ZSWIM4: variants seen among roughly 807,000 people sequenced by gnomAD.
ZSWIM4 encodes zinc finger SWIM-type containing 4, also known as zinc finger SWIM domain-containing protein 4.
A neutral mutation model predicts 102.5 loss-of-function variants in ZSWIM4; 62 were observed. The observed-to-expected ratio is 0.60, with a 90% confidence interval of 0.49 to 0.75. The LOEUF is 0.75. Ranked by LOEUF, ZSWIM4 falls within the 30% of genes least tolerant of loss-of-function variation. The pLI, the probability that ZSWIM4 is intolerant of heterozygous loss-of-function variation, is 0.00. For synonymous variants in ZSWIM4, 652 were observed against 674.5 expected (o/e 0.97, Z 0.52); for missense variants, 1,280 against 1,529.6 (o/e 0.84, Z 2.72).
chr19:13,796,410 C>T (rs1333405563), intron 1 of ZSWIM4, among the ~76,000 whole-genome samples: 1 of 152,138 alleles, frequency 6.6e-6, no homozygotes, highest in Non-Finnish European at 1.5e-5. Flanking sequence ...TCCCCCATCT[C>T]TCCAGATTCC....
At chr19:13,819,551 G>T in intron 10 of ZSWIM4, 59 bp downstream of exon 10, 2 of 1,530,126 alleles carry the variant, frequency 1.3e-6, no homozygotes, top group Non-Finnish European at 1.8e-6. Context: ...GGGCGGGCAT[G>T]GGGGGTAGCT....
intron 9 of ZSWIM4, 74 bp downstream of exon 9, chr19:13,818,050 G>C: frequency 7.0e-7 from 1 of 1,423,432 alleles, no homozygotes; most frequent in Non-Finnish European, 9.2e-7. Flanking sequence ...CGGCCCGGTT[G>C]CTGCCAGATG....
Position 13,804,862 on chromosome 19 carries a change from C to G in ZSWIM4, c.426C>G (p.Ser142=). ...AGCCCGAGCGCCTCTACCATGTCTC[C>G]ATCAGCTTTGATCGCTGCAAGATCA... ...PGEPERLYHV[S]ISFDRCKITS... is the part of the protein sequence containing the mutation. The change falls in exon 3 of 14, where the codon TCC becomes TCG. Residue 142 remains serine, a synonymous_variant. Coordinates refer to ENST00000590508, the MANE Select transcript of ZSWIM4 (RefSeq NM_001367834.3). The G allele has an allele frequency of 1.2e-6, 2 of 1,613,482 alleles. No individual in the cohort carries two copies. Among genetic ancestry groups the G allele is most frequent in the Non-Finnish European group, 1.7e-6 (2 of 1,179,914 alleles).
intron 1 of ZSWIM4, among the ~76,000 whole-genome samples, chr19:13,797,997 G>A (rs1974656873): frequency 6.6e-6 from 1 of 152,208 alleles, no homozygotes; most frequent in Admixed American, 6.5e-5. Flanking sequence ...AATTTGTGTT[G>A]GCCTGCATTC....
At chr19:13,815,193 T>A (rs1381260207) in intron 7 of ZSWIM4, 1 of 154,132 alleles carries the variant, frequency 6.5e-6, no homozygotes, top group Non-Finnish European at 1.4e-5. Flanking sequence ...TTCGCTCTTG[T>A]TGCCCAGGTT....
chr19:13,828,206 C>T (rs374114128), intron 12 of ZSWIM4, among the ~76,000 whole-genome samples: 4 of 151,970 alleles, frequency 2.6e-5, no homozygotes, highest in East Asian at 1.9e-4. Flanking sequence ...GTCAGGAGTT[C>T]GAGACCAGCC....
intron 12 of ZSWIM4, among the ~76,000 whole-genome samples, chr19:13,827,167 G>A (rs2145377277): frequency 6.6e-6 from 1 of 152,046 alleles, no homozygotes. Flanking sequence ...CACCCCTGTA[G>A]TCCCAGCTCC....
At chr19:13,816,128 G>A (rs1599602910) in intron 7 of ZSWIM4, among the ~76,000 whole-genome samples, 1 of 152,054 alleles carries the variant, frequency 6.6e-6, no homozygotes, top group East Asian at 1.9e-4. Flanking sequence ...GGGGGTGGGG[G>A]ACAGGAGGGA....
chr19:13,832,182 T>C lies in ZSWIM4; in HGVS notation c.*1132T>C, dbSNP rs1975786470. ...TTTCTTTTTAATTTTATTTTGAGAC[T>C]GGGGTGCATCTCCAGAGCCACTCAC... On this transcript the variant is annotated 3_prime_UTR_variant, in exon 14 of 14. Coordinates refer to ENST00000590508, the MANE Select transcript of ZSWIM4 (RefSeq NM_001367834.3). The C allele has an allele frequency of 8.0e-6, 1 of 125,288 alleles. No homozygotes were observed. The allele number at this position is 125,288 out of a possible 1,614,324, so 7.8% of individuals were successfully genotyped here. A position where few individuals can be genotyped will look rare whatever the true frequency, so the allele number is the denominator to read the frequency against.
chr19:13,819,391 C>T lies in ZSWIM4; in HGVS notation c.1959C>T (p.Phe653=). ...TCAGTGGCTTTGGGGAGGTGCTGTT[C>T]CGGGAGAGCGTGCCCATGCACACCT... ...GPFSGFGEVL[F]RESVPMHTCA... is the part of the protein sequence containing the mutation. The change falls in exon 10 of 14, where the codon TTC becomes TTT. Residue 653 remains phenylalanine, a synonymous_variant. Coordinates refer to ENST00000590508, the MANE Select transcript of ZSWIM4 (RefSeq NM_001367834.3). 1 of 1,613,592 alleles carries T rather than the reference C, an allele frequency of 6.2e-7. No homozygotes were observed. Among genetic ancestry groups the T allele is most frequent in the African/African-American group, 1.3e-5 (1 of 75,066 alleles).
At chr19:13,823,561 C>A in intron 11 of ZSWIM4, 61 bp downstream of exon 11, 1 of 1,523,608 alleles carries the variant, frequency 6.6e-7, no homozygotes, top group Non-Finnish European at 8.9e-7. Flanking sequence ...CTTCTTCCTT[C>A]CCTCTTAACT....
intron 3 of ZSWIM4, among the ~76,000 whole-genome samples, chr19:13,805,669 G>A (rs935902035): frequency 1.3e-5 from 2 of 151,730 alleles, no homozygotes; most frequent in African/African-American, 4.8e-5. Context: ...TGCTGGGTGG[G>A]TACAGAAAGT....
chr19:13,799,583 T>C, intron 1 of ZSWIM4, 137 bp from the exon 2 acceptor site: 2 of 851,762 alleles, frequency 2.3e-6, no homozygotes, highest in Non-Finnish European at 3.8e-6. Context: ...GCCAGTTTTT[T>C]TGTAAAGATG....
chr19:13,801,973 ATTTT>A (rs543183681), intron 2 of ZSWIM4, among the ~76,000 whole-genome samples: 2,679 of 94,156 alleles, frequency 0.028, 112 homozygotes, highest in African/African-American at 0.11. Context: ...CCAGCTTAGA[ATTTT>A]TTTTTTTTTT....
At chr19:13,801,824 A>C (rs777211324) in intron 2 of ZSWIM4, among the ~76,000 whole-genome samples, 1 of 151,528 alleles carries the variant, frequency 6.6e-6, no homozygotes, top group Admixed American at 6.6e-5. Flanking sequence ...GGCACCCGCT[A>C]TCATGCCTGG....
intron 10 of ZSWIM4, among the ~76,000 whole-genome samples, chr19:13,822,245 C>T (rs1050490036): frequency 2.4e-4 from 36 of 151,628 alleles, no homozygotes; most frequent in African/African-American, 8.5e-4. Context: ...AAAGAACAGC[C>T]TGTAAGAGCC....
intron 1 of ZSWIM4, among the ~76,000 whole-genome samples, 165 bp from the exon 2 acceptor site, chr19:13,799,555 C>T (rs537883436): frequency 2.6e-5 from 4 of 152,120 alleles, no homozygotes; most frequent in African/African-American, 4.8e-5. Flanking sequence ...GGATTACAGG[C>T]GTGAGCCATC....
rs759542427 is a variant in ZSWIM4 at position 13,799,779 on chromosome 19, G to C, written c.213G>C (p.Ser71=). 1 of 1,613,956 alleles carries C rather than the reference G, an allele frequency of 6.2e-7. No homozygotes were observed. The highest frequency in any genetic ancestry group is 8.5e-7 in the Non-Finnish European group (1 of 1,180,022). ...TCCAGAAGCGCATCGTGTTTTGGTC[G>C]TTTCCACGCAGTGAACGGGAAATAT... is the stretch of plus-strand genomic sequence containing the variant. ...EPVQKRIVFW[S]FPRSEREICM... is the part of the protein sequence containing the mutation. The change falls in exon 2 of 14, where the codon TCG becomes TCC. Residue 71 remains serine (S), a synonymous_variant. Transcript: ENST00000590508.
chr19:13,806,279 G>C (rs1974917794), intron 3 of ZSWIM4, among the ~76,000 whole-genome samples: 1 of 151,652 alleles, frequency 6.6e-6, no homozygotes, highest in Admixed American at 6.6e-5. Context: ...CTGACCTCAG[G>C]TGATCCACCT....
Sources: allele counts gnomAD v4.1 joint callset (sites outside exome capture counted in the v4.1 genomes callset), GRCh38; gene constraint gnomAD v4.1.1; transcripts MANE v1.5; gene names NCBI Gene and HGNC (gene_info 2026-07-23, HGNC 2026-07-21).